EPHB2: variants seen among roughly 807,000 people sequenced by gnomAD.
EPHB2 encodes the protein EPH receptor B2.
Under a neutral mutation model 96.4 loss-of-function variants are expected in EPHB2, and 18 were observed. The observed-to-expected ratio is 0.19, with a 90% CI of 0.13 to 0.28. EPHB2 has a LOEUF of 0.28. Ranked by LOEUF, EPHB2 falls within the 10% of genes least tolerant of loss-of-function variation. The pLI is 1.00. For missense variants in EPHB2, 989 were observed against 1,355.4 expected (o/e 0.73, Z 4.25); for synonymous variants, 506 against 534.1 (o/e 0.95, Z 0.72).
rs943753954 is a variant in EPHB2 at position 22,863,203 on chromosome 1, G to A, written c.967+11G>A. 6.8e-6 allele frequency: 11 copies of A among 1,614,116 alleles called. No homozygotes were observed. The highest frequency in any genetic ancestry group is 9.3e-6 in the Non-Finnish European group (11 of 1,180,024). Reference sequence around the variant, plus strand: ...ACATGCCCTGCACAAGTAAGTCCTAGGGCCCCTCAAGGGCGATGGCTGGCC... The same window carrying A: ...ACATGCCCTGCACAAGTAAGTCCTAAGGCCCCTCAAGGGCGATGGCTGGCC... On this transcript the variant is annotated intron_variant, in intron 4 of 15. Transcript: ENST00000374630.
rs925921409 is a variant in EPHB2 at position 22,733,090 on chromosome 1, C to G, written c.61+22047C>G. Among the ~76,000 whole-genome samples, 18 of 152,032 alleles carry G rather than the reference C, an allele frequency of 1.2e-4. No homozygotes were observed. The highest frequency in any genetic ancestry group is 4.1e-4 in the African/African-American group (17 of 41,440). ...TTTTTTGGAGTTTCGCTCTTGTCGC[C>G]CAGACTGGAATGCAATGGCGTAGTC... On this transcript the variant is annotated intron_variant, in intron 1 of 15. Transcript: ENST00000374630. This position sits in a 1 kb window ranked among gnomAD's most constrained non-coding sequence, Gnocchi z 4.6.
At chr1:22,840,799 C>T (rs1372265164) in intron 3 of EPHB2, among the ~76,000 whole-genome samples, 1 of 152,162 alleles carries the variant, frequency 6.6e-6, no homozygotes, top group African/African-American at 2.4e-5. Flanking sequence ...TGGAGCTAAC[C>T]ACCCATTCCG....
chr1:22,802,599 G>A (rs1430106325), intron 3 of EPHB2, among the ~76,000 whole-genome samples: 6 of 152,126 alleles, frequency 3.9e-5, no homozygotes, highest in South Asian at 4.2e-4. Context: ...GGTCTGGCTC[G>A]AGGACACAAG....
Position 22,898,867 on chromosome 1 carries a change from G to A in EPHB2, c.1765+2389G>A, listed in dbSNP as rs140107489. ...AGCAGAGTCTAGGAGCTCCAGGTACGAAGCCTCTGGGTAAGACATGGTTTG... is the reference window on the plus strand; with the variant it reads ...AGCAGAGTCTAGGAGCTCCAGGTACAAAGCCTCTGGGTAAGACATGGTTTG... On this transcript the variant is annotated intron_variant, in intron 9 of 15. Coordinates refer to ENST00000374630, the MANE Select transcript of EPHB2 (RefSeq NM_017449.5). Among the ~76,000 whole-genome samples, 250 of 152,334 alleles carry A rather than the reference G, an allele frequency of 1.6e-3. 1 individual carries two copies. Among genetic ancestry groups the A allele is most frequent in the Middle Eastern group, 6.8e-3 (2 of 294 alleles).
Position 22,781,408 on chromosome 1 carries a change from G to T in EPHB2, c.62-13G>T. ...AGGTGGGGCGGGGTGGTGACTCTTTGCTCTCCCCACAGAAACGCTAATGGA... is the reference window on the plus strand; with the variant it reads ...AGGTGGGGCGGGGTGGTGACTCTTTTCTCTCCCCACAGAAACGCTAATGGA... On this transcript the variant is annotated splice_polypyrimidine_tract_variant and intron_variant, in intron 1 of 15. Transcript: ENST00000374630. 4 of 1,613,610 alleles carry T rather than the reference G, an allele frequency of 2.5e-6. No individual in the cohort carries two copies. Among genetic ancestry groups the T allele is most frequent in the Non-Finnish European group, 3.4e-6 (4 of 1,179,824 alleles).
intron 3 of EPHB2, among the ~76,000 whole-genome samples, chr1:22,808,540 G>A (rs1159069158): frequency 2.0e-5 from 3 of 152,340 alleles, no homozygotes; most frequent in Admixed American, 6.5e-5. Flanking sequence ...TGGTGAAACT[G>A]ACGTGTCACC....
chr1:22,812,764 C>A (rs565575939), intron 3 of EPHB2, among the ~76,000 whole-genome samples: 1 of 152,352 alleles, frequency 6.6e-6, no homozygotes, highest in South Asian at 2.1e-4. Context: ...CCATAAACAG[C>A]AGCTGGCATT....
At chr1:22,886,731 A>G (rs2148557915) in intron 6 of EPHB2, among the ~76,000 whole-genome samples, 2 of 148,940 alleles carry the variant, frequency 1.3e-5, no homozygotes, top group Admixed American at 1.4e-4. Context: ...GATTCAAGCG[A>G]TTCTCCTGCC....
At chr1:22,781,575 C>A in intron 2 of EPHB2, 90 bp downstream of exon 2, 1 of 1,326,322 alleles carries the variant, frequency 7.5e-7, no homozygotes, top group African/African-American at 1.5e-5. Flanking sequence ...ATTCTAACCC[C>A]TTTCCCCCTC....
chr1:22,769,272 C>T (rs1644347009), intron 1 of EPHB2, among the ~76,000 whole-genome samples: 1 of 152,322 alleles, frequency 6.6e-6, no homozygotes, highest in Non-Finnish European at 1.5e-5. Context: ...GGGCCCAATC[C>T]ACAGGTAGAA....
At chr1:22,902,667 A>T (rs1026594642) in intron 9 of EPHB2, among the ~76,000 whole-genome samples, 1 of 152,232 alleles carries the variant, frequency 6.6e-6, no homozygotes, top group African/African-American at 2.4e-5. Context: ...CAGCATGAAC[A>T]AGACAGACAC....
chr1:22,816,589 C>G (rs1298320946), intron 3 of EPHB2, among the ~76,000 whole-genome samples: 1 of 152,158 alleles, frequency 6.6e-6, no homozygotes, highest in African/African-American at 2.4e-5. Flanking sequence ...CCCACCTGGA[C>G]CCCTTGCGGT....
chr1:22,846,435 AAG>A lies in EPHB2; in HGVS notation c.812-16600_812-16599del, dbSNP rs1491053590. Among the ~76,000 whole-genome samples the A allele has an allele frequency of 3.7e-5, 3 of 82,186 alleles. No homozygotes were observed. Among genetic ancestry groups the A allele is most frequent in the Non-Finnish European group, 3.4e-5 (1 of 29,344 alleles). The allele number at this position is 82,186 out of a possible 152,430, so 53.9% of individuals were successfully genotyped here. A position where few individuals can be genotyped will look rare whatever the true frequency, so the allele number is the denominator to read the frequency against. On this transcript the variant is annotated intron_variant, in intron 3 of 15. Transcript: ENST00000374630. The surrounding 1 kb of genome is among the most constrained non-coding windows in gnomAD (Gnocchi z 4.3). ...AGACTCTGTCTCAAAAAAAAAAAAA[AAG>A]AAAAGAAAGTCCTAGGTCAGGGACC... is the stretch of plus-strand genomic sequence containing the variant.
chr1:22,759,921 G>A (rs897127140), intron 1 of EPHB2, among the ~76,000 whole-genome samples: 2 of 152,142 alleles, frequency 1.3e-5, no homozygotes, highest in African/African-American at 4.8e-5. Flanking sequence ...CAGGGGAGGC[G>A]AGTGGAGAGG....
rs144315850 is a variant in EPHB2, at chr1:22,806,504, CGGAT to C, written c.811+21455_811+21458del. Among the ~76,000 whole-genome samples, 232 of 148,704 alleles carry C rather than the reference CGGAT, an allele frequency of 1.6e-3. 1 individual carries two copies. The highest frequency in any genetic ancestry group is 4.6e-3 in the South Asian group (22 of 4,756). Reference sequence around the variant, plus strand: ...ACGGACGGACGGACGGACGGACGGACGGATGGATGGATGGATGGATGGATGGATG... The same window carrying C: ...ACGGACGGACGGACGGACGGACGGACGGATGGATGGATGGATGGATGGATG... On this transcript the variant is annotated intron_variant, in intron 3 of 15. Coordinates refer to ENST00000374630, the MANE Select transcript of EPHB2 (RefSeq NM_017449.5).
In EPHB2 at chr1:22,919,074, A is replaced by G. The variant is rs1414207719; in HGVS notation, c.*5504A>G. 1 of 152,130 alleles carries G rather than the reference A, an allele frequency of 6.6e-6. No individual in the cohort carries two copies. Among genetic ancestry groups the G allele is most frequent in the East Asian group, 1.9e-4 (1 of 5,192 alleles). 9.4% of individuals were successfully genotyped at this position (152,130 alleles called of 1,614,324 possible). A position where few individuals can be genotyped will look rare whatever the true frequency, so the allele number is the denominator to read the frequency against. ...CTCCTGGGCGCCACCCCAACCCCCT[A>G]AATCAGAATCCCTGGGGTTGGGCCC... On this transcript the variant is annotated 3_prime_UTR_variant, in exon 16 of 16. Coordinates refer to ENST00000374630, the MANE Select transcript of EPHB2 (RefSeq NM_017449.5).
chr1:22,863,213 A>G, intron 4 of EPHB2, 21 bp downstream of exon 4: 14 of 1,614,032 alleles, frequency 8.7e-6, no homozygotes, highest in Non-Finnish European at 1.2e-5. Flanking sequence ...GGGCCCCTCA[A>G]GGGCGATGGC....
intron 1 of EPHB2, among the ~76,000 whole-genome samples, chr1:22,736,659 G>A (rs984549899): frequency 3.9e-5 from 6 of 152,218 alleles, no homozygotes; most frequent in African/African-American, 9.6e-5. Context: ...TCCGCAGCGC[G>A]GCATGTTTGC....
At chr1:22,753,755 C>G (rs1274956792) in intron 1 of EPHB2, among the ~76,000 whole-genome samples, 1 of 152,134 alleles carries the variant, frequency 6.6e-6, no homozygotes, top group Non-Finnish European at 1.5e-5. Flanking sequence ...CTTTGGACAT[C>G]CTTTCACTTT....
Sources: allele counts gnomAD v4.1 joint callset (sites outside exome capture counted in the v4.1 genomes callset), GRCh38; gene constraint gnomAD v4.1.1; non-coding constraint Gnocchi (gnomAD v3.1); transcripts MANE v1.5; gene names NCBI Gene and HGNC (gene_info 2026-07-23, HGNC 2026-07-21).